Variants in ADAMTS17 observed in about 807,000 individuals in gnomAD.
ADAMTS17 encodes ADAM metallopeptidase with thrombospondin type 1 motif 17.
In ADAMTS17, 113 loss-of-function variants were observed where a neutral mutation model predicts 141.5. That is an observed-to-expected ratio of 0.80 (90% CI 0.69 to 0.93). The LOEUF is 0.93. ADAMTS17 is among the 40% of genes least tolerant of loss of function. ADAMTS17 has a pLI of 0.00. For missense variants in ADAMTS17, 1,659 were observed against 1,517.9 expected, an observed-to-expected ratio of 1.09 and a Z score of -1.54; for synonymous variants, 768 against 630.6, an observed-to-expected ratio of 1.22 and a Z score of -3.27.
chr15:100,126,275 T>G (rs974530998), intron 12 of ADAMTS17: 1 of 152,206 alleles, frequency 6.6e-6, no homozygotes, highest in Non-Finnish European at 1.5e-5. Flanking sequence ...GCTGGATCCA[T>G]GGAGGCAAGA....
At chr15:99,992,537 G>A (rs1158718946) in intron 20 of ADAMTS17, among the ~76,000 whole-genome samples, 1 of 152,194 alleles carries the variant, frequency 6.6e-6, no homozygotes, top group Non-Finnish European at 1.5e-5. Flanking sequence ...ACATTCAGTG[G>A]CCCTTTATTC....
intron 8 of ADAMTS17, among the ~76,000 whole-genome samples, chr15:100,197,608 A>G (rs187153651): frequency 5.3e-5 from 8 of 152,308 alleles, no homozygotes; most frequent in African/African-American, 1.9e-4. Flanking sequence ...TGTTGAGATG[A>G]GATAACTGTG....
intron 18 of ADAMTS17, among the ~76,000 whole-genome samples, chr15:100,017,328 C>A (rs1471737734): frequency 6.6e-6 from 1 of 152,244 alleles, no homozygotes; most frequent in Non-Finnish European, 1.5e-5. Flanking sequence ...TTTCTGCCCC[C>A]ACCTGTGGAA....
intron 7 of ADAMTS17, among the ~76,000 whole-genome samples, chr15:100,199,932 G>A (rs557836159): frequency 7.2e-5 from 11 of 152,328 alleles, no homozygotes; most frequent in African/African-American, 2.4e-4. Flanking sequence ...CTCACAATGC[G>A]CATCCCGGGC....
intron 4 of ADAMTS17, among the ~76,000 whole-genome samples, chr15:100,271,064 A>G (rs1249734018): frequency 6.6e-6 from 1 of 152,008 alleles, no homozygotes. Context: ...ATGTTACAGC[A>G]TGTGTCAGAA....
Position 100,013,317 on chromosome 15 carries a change from A to G in ADAMTS17, c.2592-15728T>C, listed in dbSNP as rs376923182. ...TTTAGGGTTTTCTAGGTAAACGACC[A>G]TACTGTCAGCCAACAGTCACAGTTT... On this transcript the variant is annotated intron_variant, in intron 18 of 21. Coordinates refer to ENST00000268070, the MANE Select transcript of ADAMTS17 (RefSeq NM_139057.4). Among the ~76,000 whole-genome samples the G allele has an allele frequency of 1.7e-4, 26 of 152,338 alleles. No homozygotes were observed. In the East Asian group the frequency reaches 3.1e-3, roughly 18 times the overall value.
intron 3 of ADAMTS17, among the ~76,000 whole-genome samples, chr15:100,294,733 C>T (rs2044751959): frequency 6.6e-6 from 1 of 152,156 alleles, no homozygotes; most frequent in Admixed American, 6.5e-5. Flanking sequence ...GAGGGGCTCC[C>T]CAACATCCCA....
At chr15:100,095,532 G>A (rs1380198179) in intron 15 of ADAMTS17, among the ~76,000 whole-genome samples, 1 of 152,096 alleles carries the variant, frequency 6.6e-6, no homozygotes. Context: ...AGAGCAACTT[G>A]TGGAAATTAA....
At position 100,271,422 on chromosome 15, in the gene ADAMTS17, T is replaced by C. The variant is rs541991854; in HGVS notation, c.790-8987A>G. ...TTTGGTGTTTTATTTTTTTGTTTTA[T>C]AATAGCCATGGGAATGGATGTGAAG... On this transcript the variant is annotated intron_variant, in intron 4 of 21. Transcript: ENST00000268070. Among the ~76,000 whole-genome samples the C allele has an allele frequency of 2.0e-5, 3 of 152,356 alleles. No homozygotes were observed. The East Asian group carries it at 5.8e-4, about 29-fold the overall frequency.
intron 10 of ADAMTS17, among the ~76,000 whole-genome samples, chr15:100,139,666 T>C (rs997403918): frequency 1.3e-5 from 2 of 152,240 alleles, no homozygotes; most frequent in Non-Finnish European, 2.9e-5. Flanking sequence ...CGAGACATAA[T>C]GACCACATCA....
intron 18 of ADAMTS17, among the ~76,000 whole-genome samples, chr15:100,024,512 A>T (rs1320475229): frequency 6.6e-6 from 1 of 152,188 alleles, no homozygotes; most frequent in East Asian, 1.9e-4. Flanking sequence ...GAAGTCCTGG[A>T]TCCAAAGTGT....
At chr15:100,254,672 G>A (rs1245210178) in intron 6 of ADAMTS17, among the ~76,000 whole-genome samples, 1 of 152,168 alleles carries the variant, frequency 6.6e-6, no homozygotes, top group Admixed American at 6.5e-5. Context: ...CCATAAAAAG[G>A]AATGAGATCA....
At chr15:100,171,134 G>A (rs1255783238) in intron 8 of ADAMTS17, among the ~76,000 whole-genome samples, 1 of 152,050 alleles carries the variant, frequency 6.6e-6, no homozygotes, top group Non-Finnish European at 1.5e-5. Flanking sequence ...GAGGGGATTA[G>A]CCCACCTGCA....
chr15:100,306,794 G>A lies in ADAMTS17; in HGVS notation c.616+24095C>T, dbSNP rs151089993. 4.5e-4 allele frequency among the ~76,000 whole-genome samples: 68 copies of A among 152,246 alleles called. 1 individual carries two copies. The highest frequency in any genetic ancestry group is 3.4e-3 in the Middle Eastern group (1 of 294). ...CTGCTGTGCTTCCAAAGCCCAAAGC[G>A]GGGATGCAGCACCCCCTTGAAATAC... On this transcript the variant is annotated intron_variant, in intron 3 of 21. Transcript: ENST00000268070.
At chr15:100,328,443 G>A (rs1332337863) in intron 3 of ADAMTS17, among the ~76,000 whole-genome samples, 1 of 152,180 alleles carries the variant, frequency 6.6e-6, no homozygotes, top group Non-Finnish European at 1.5e-5. Flanking sequence ...TTCCTGACTA[G>A]TGCAGAGCCT....
rs371852965 is a variant in ADAMTS17 at position 100,179,839 on chromosome 15, C to T, written c.1181+19479G>A. Among the ~76,000 whole-genome samples, 28 of 152,138 alleles carry T rather than the reference C, an allele frequency of 1.8e-4. No homozygotes were observed. In the South Asian group the frequency reaches 2.5e-3, roughly 14 times the overall value. On this transcript the variant is annotated intron_variant, in intron 8 of 21. Transcript: ENST00000268070. ...TTGTATGTCTTCTTTTGAAAAATGT[C>T]TATTCAGATCTTTTGCGCGTTTTTA...
chr15:100,251,903 G>A (rs542306235), intron 7 of ADAMTS17, among the ~76,000 whole-genome samples: 2 of 152,302 alleles, frequency 1.3e-5, no homozygotes, highest in South Asian at 2.1e-4. Flanking sequence ...GCCAAGAGGA[G>A]AGGCCCTCAG....
intron 18 of ADAMTS17, among the ~76,000 whole-genome samples, chr15:100,025,666 G>A (rs988490583): frequency 4.6e-5 from 7 of 151,790 alleles, no homozygotes; most frequent in African/African-American, 1.5e-4. Context: ...TGCCAGCCTC[G>A]GCCTCCCAAA....
chr15:100,132,174 C>A (rs763074042), intron 11 of ADAMTS17, 22 bp from the exon 12 acceptor site: 145 of 1,610,568 alleles, frequency 9.0e-5, no homozygotes, highest in Non-Finnish European at 1.2e-4. Flanking sequence ...CGGGGAGGGT[C>A]GGGGCCCAGG....
Sources: allele counts gnomAD v4.1 joint callset (sites outside exome capture counted in the v4.1 genomes callset), GRCh38; gene constraint gnomAD v4.1.1; transcripts MANE v1.5; gene names NCBI Gene and HGNC (gene_info 2026-07-23, HGNC 2026-07-21).